Variants in RCBTB2 observed in about 807,000 individuals in gnomAD.
The protein encoded by RCBTB2 is RCC1 and BTB domain-containing protein 2.
Under a neutral mutation model 65.4 loss-of-function variants are expected in RCBTB2, and 55 were observed. That is an observed-to-expected ratio of 0.84 (90% CI 0.68 to 1.05). RCBTB2 has a LOEUF of 1.05. RCBTB2 is among the 50% of genes least tolerant of loss of function. The pLI is 0.00. For synonymous variants in RCBTB2, 220 were observed against 255.2 expected (o/e 0.86, Z 1.31); for missense variants, 599 against 680.1 (o/e 0.88, Z 1.33).
chr13:48,535,606 C>A, upstream of RCBTB2: 1 of 454,326 alleles, frequency 2.2e-6, no homozygotes, highest in South Asian at 1.6e-5. Flanking sequence ...CCCTACCCCT[C>A]CATTGAAACT....
chr13:48,495,159 G>A (rs964787720), intron 14 of RCBTB2, among the ~76,000 whole-genome samples: 1 of 152,052 alleles, frequency 6.6e-6, no homozygotes, highest in African/African-American at 2.4e-5. Context: ...AGATGTTACA[G>A]CCTGTTTCCT....
intron 1 of RCBTB2, chr13:48,532,797 AG>A (rs1328536297): frequency 3.1e-6 from 1 of 325,568 alleles, no homozygotes; most frequent in Non-Finnish European, 6.1e-6. Flanking sequence ...GGCTGGGTGT[AG>A]CCCCGGAACC....
rs1566247734 is a variant in RCBTB2 at position 48,489,713 on chromosome 13, G to C, written c.*398C>G. On this transcript the variant is annotated 3_prime_UTR_variant, in exon 15 of 15. Transcript: ENST00000344532. Reference sequence around the variant, plus strand: ...TATTATACACAAGGCACTGTGCTGAGTGCTGAAAATGTGGTAAGGACAGAC... The same window carrying C: ...TATTATACACAAGGCACTGTGCTGACTGCTGAAAATGTGGTAAGGACAGAC... The C allele has an allele frequency of 1.8e-5, 4 of 219,090 alleles. No homozygotes were observed. The highest frequency in any genetic ancestry group is 3.6e-5 in the Non-Finnish European group (4 of 109,698). 13.6% of individuals were successfully genotyped at this position (219,090 alleles called of 1,614,324 possible).
intron 14 of RCBTB2, among the ~76,000 whole-genome samples, chr13:48,493,307 ACACACACACTCTCTCTCTCT>A (rs1949801381): frequency 3.2e-5 from 2 of 63,176 alleles, no homozygotes; most frequent in Admixed American, 1.7e-4. Context: ...ACACACACAC[ACACACACACTCTCTCTCTCT>A]CTCTCTCTCT....
chr13:48,534,422 T>C (rs959751998), upstream of RCBTB2, among the ~76,000 whole-genome samples: 15 of 152,202 alleles, frequency 9.9e-5, no homozygotes, highest in South Asian at 3.1e-3. Context: ...ACTTTACAGA[T>C]AAGGCAACTC....
chr13:48,508,684 G>A (rs976149688), intron 10 of RCBTB2, among the ~76,000 whole-genome samples: 2 of 152,298 alleles, frequency 1.3e-5, no homozygotes, highest in African/African-American at 2.4e-5. Flanking sequence ...GATTACAGGC[G>A]TGAGTGCCTG....
intron 4 of RCBTB2, among the ~76,000 whole-genome samples, chr13:48,517,630 G>A (rs1566312411): frequency 6.6e-6 from 1 of 152,144 alleles, no homozygotes; most frequent in Non-Finnish European, 1.5e-5. Flanking sequence ...GCAAAAACAA[G>A]CAGAGCCACC....
At chr13:48,506,429 GGA>G (rs1950506057) in intron 10 of RCBTB2, among the ~76,000 whole-genome samples, 1 of 152,230 alleles carries the variant, frequency 6.6e-6, no homozygotes. Context: ...AGGCTGCAAG[GGA>G]GAGAAAGAAT....
At chr13:48,493,968 C>T (rs1949862730) in intron 14 of RCBTB2, among the ~76,000 whole-genome samples, 1 of 152,176 alleles carries the variant, frequency 6.6e-6, no homozygotes, top group African/African-American at 2.4e-5. Context: ...TGCATAAATA[C>T]TCCTGATTTC....
In RCBTB2 at chr13:48,489,154, A is replaced by G. The variant is rs1158038008; in HGVS notation, c.*957T>C. 6.6e-6 allele frequency: 1 copy of G among 152,234 alleles called. No homozygotes were observed. Among genetic ancestry groups the G allele is most frequent in the Non-Finnish European group, 1.5e-5 (1 of 68,042 alleles). 9.4% of individuals were successfully genotyped at this position (152,234 alleles called of 1,614,324 possible). On this transcript the variant is annotated 3_prime_UTR_variant, in exon 15 of 15. Coordinates refer to ENST00000344532, the MANE Select transcript of RCBTB2 (RefSeq NM_001268.4). ...GTTTTGATCTAAAAAGTACAAATTT[A>G]TCTCATTCTTGTTAATGCTGTCCAT...
chr13:48,524,176 G>C (rs1951579124), intron 2 of RCBTB2, among the ~76,000 whole-genome samples: 1 of 151,674 alleles, frequency 6.6e-6, no homozygotes, highest in Non-Finnish European at 1.5e-5. Flanking sequence ...TCCCCAATTT[G>C]CATGTATAGT....
intron 10 of RCBTB2, among the ~76,000 whole-genome samples, chr13:48,506,127 T>C (rs1950491971): frequency 6.6e-6 from 1 of 152,078 alleles, no homozygotes; most frequent in Non-Finnish European, 1.5e-5. Flanking sequence ...AGCCGTGGAA[T>C]AAGAGTCTGT....
intron 9 of RCBTB2, among the ~76,000 whole-genome samples, chr13:48,511,133 A>G (rs890266050): frequency 1.6e-4 from 25 of 152,226 alleles, no homozygotes; most frequent in African/African-American, 5.8e-4. Flanking sequence ...ATATAAATAT[A>G]AAAGTACTCT....
intron 1 of RCBTB2, among the ~76,000 whole-genome samples, chr13:48,526,638 G>A (rs981628872): frequency 5.9e-4 from 90 of 152,240 alleles, no homozygotes; most frequent in African/African-American, 2.1e-3. Flanking sequence ...AAATAGCCTG[G>A]GCGCGGTGGC....
At chr13:48,504,942 T>C (rs1950419419) in intron 10 of RCBTB2, among the ~76,000 whole-genome samples, 1 of 152,190 alleles carries the variant, frequency 6.6e-6, no homozygotes, top group Admixed American at 6.5e-5. Context: ...GGATCGTTCT[T>C]AGCCCTTGAA....
rs1468373659 is a variant in RCBTB2, at chr13:48,511,748, C to A, written c.783+22G>T. On this transcript the variant is annotated intron_variant, in intron 9 of 14. Transcript: ENST00000344532. ...CAGCGAAGACTTAAAAATACACGCA[C>A]ACAAACTGACAGTGGACGTACCCTC... 5.6e-6 allele frequency: 9 copies of A among 1,594,502 alleles called. No homozygotes were observed. The Admixed American group carries it at 7.0e-5, about 12-fold the overall frequency.
At chr13:48,525,779 G>C (rs1240279218) in intron 1 of RCBTB2, among the ~76,000 whole-genome samples, 1 of 151,794 alleles carries the variant, frequency 6.6e-6, no homozygotes, top group Admixed American at 6.6e-5. Context: ...ATCAAAACAG[G>C]TATATCTACA....
Position 48,510,631 on chromosome 13 carries a change from G to A in RCBTB2, c.924C>T (p.Asp308=), listed in dbSNP as rs148551009. The change falls in exon 10 of 15, where the codon GAC becomes GAT. Residue 308 remains aspartate, a splice_region_variant and synonymous_variant. Transcript: ENST00000344532. The part of the protein sequence containing the change: ...SYPTPVTVEK[D]RIIEIAACHS... ...GACTGTGAAAATGCCCGTGTTACCT[G>A]TCCTTTTCCACAGTGACAGGAGTAG... 3.6e-4 allele frequency: 587 copies of A among 1,613,866 alleles called. No individual in the cohort carries two copies. The highest frequency in any genetic ancestry group is 4.6e-4 in the Non-Finnish European group (539 of 1,179,934).
intron 10 of RCBTB2, among the ~76,000 whole-genome samples, chr13:48,506,748 T>C (rs184254038): frequency 2.1e-4 from 32 of 152,352 alleles, no homozygotes; most frequent in Admixed American, 2.1e-3. Flanking sequence ...GGCAGCCCAA[T>C]GAACAATGTG....
Sources: allele counts gnomAD v4.1 joint callset (sites outside exome capture counted in the v4.1 genomes callset), GRCh38; gene constraint gnomAD v4.1.1; transcripts MANE v1.5; gene names NCBI Gene and HGNC (gene_info 2026-07-23, HGNC 2026-07-21).